Variants in ACAP2 observed in about 807,000 individuals in gnomAD.
ACAP2 encodes the protein arf-GAP with coiled-coil, ANK repeat and PH domain-containing protein 2.
A neutral mutation model predicts 115.8 loss-of-function variants in ACAP2; 39 were observed. The observed-to-expected ratio is 0.34, with a 90% CI of 0.26 to 0.44. The LOEUF is 0.44. ACAP2 is among the 20% of genes least tolerant of loss of function. ACAP2 has a pLI of 1.00. For synonymous variants in ACAP2, 289 were observed against 315.8 expected, an observed-to-expected ratio of 0.92 and a Z score of 0.90; for missense variants, 662 against 927.6, an observed-to-expected ratio of 0.71 and a Z score of 3.72.
intron 1 of ACAP2, among the ~76,000 whole-genome samples, chr3:195,393,573 A>G (rs1217481394): frequency 6.6e-6 from 1 of 152,238 alleles, no homozygotes; most frequent in East Asian, 1.9e-4. Context: ...CTTCCTGACT[A>G]AAAGTTTCTC....
At chr3:195,418,722 A>G (rs1189613292) in intron 1 of ACAP2, among the ~76,000 whole-genome samples, 1 of 152,098 alleles carries the variant, frequency 6.6e-6, no homozygotes, top group African/African-American at 2.4e-5. Context: ...GAGCCACCGC[A>G]CCCAGGCCAA....
rs368684431 is a variant in ACAP2 at position 195,349,338 on chromosome 3, G to A, written c.286-4021C>T. Among the ~76,000 whole-genome samples, 69 of 152,028 alleles carry A rather than the reference G, an allele frequency of 4.5e-4. No homozygotes were observed. In the East Asian group the frequency reaches 8.9e-3, roughly 20 times the overall value. ...CTCTACTAAAAATACAAAATCAGCC[G>A]GGCGTGGTGGCACATCCCTGTAATC... On this transcript the variant is annotated intron_variant, in intron 4 of 22. Coordinates refer to ENST00000326793, the MANE Select transcript of ACAP2 (RefSeq NM_012287.6).
At chr3:195,357,910 G>C (rs1732087346) in intron 4 of ACAP2, 1 of 152,328 alleles carries the variant, frequency 6.6e-6, no homozygotes, top group Non-Finnish European at 1.5e-5. Flanking sequence ...GCAGAGGGGA[G>C]AATGAACGCA....
In ACAP2 at chr3:195,442,776, G is replaced by A; in HGVS notation, c.53+19C>T. ...GGGAAGGCAGCTCCGCGGTGACGCC[G>A]GGCGGCCGTGCCGGTTACCTGAAGC... On this transcript the variant is annotated intron_variant, in intron 1 of 22. Coordinates refer to ENST00000326793, the MANE Select transcript of ACAP2 (RefSeq NM_012287.6). 5 of 1,527,422 alleles carry A rather than the reference G, an allele frequency of 3.3e-6. No homozygotes were observed. Among genetic ancestry groups the A allele is most frequent in the Non-Finnish European group, 4.4e-6 (5 of 1,137,398 alleles). 94.6% of individuals were successfully genotyped at this position (1,527,422 alleles called of 1,614,324 possible). A position where few individuals can be genotyped will look rare whatever the true frequency, so the allele number is the denominator to read the frequency against.
At position 195,338,274 on chromosome 3, in the gene ACAP2, T is replaced by TC. The variant is rs532576836; in HGVS notation, c.529-1299dup. ...ACACACTAAGCACTCAATAAATATT[T>TC]CTTAAATAAATTAACAGGTTTTGTT... On this transcript the variant is annotated intron_variant, in intron 6 of 22. Transcript: ENST00000326793. Among the ~76,000 whole-genome samples, 7 of 152,288 alleles carry TC rather than the reference T, an allele frequency of 4.6e-5. No homozygotes were observed. In the South Asian group the frequency reaches 1.4e-3, roughly 32 times the overall value.
chr3:195,361,697 G>C (rs1352618936), intron 4 of ACAP2, among the ~76,000 whole-genome samples: 1 of 151,726 alleles, frequency 6.6e-6, no homozygotes, highest in Non-Finnish European at 1.5e-5. Flanking sequence ...AGAAATAAAT[G>C]AAATTAAAAA....
At chr3:195,424,727 G>GCAA (rs1714529778) in intron 1 of ACAP2, among the ~76,000 whole-genome samples, 1 of 151,572 alleles carries the variant, frequency 6.6e-6, no homozygotes, top group Non-Finnish European at 1.5e-5. Flanking sequence ...ACCAGCCTGG[G>GCAA]CAACACAGTG....
chr3:195,436,298 G>C (rs1400339685), intron 1 of ACAP2, among the ~76,000 whole-genome samples: 3 of 150,964 alleles, frequency 2.0e-5, no homozygotes, highest in Non-Finnish European at 3.0e-5. Flanking sequence ...CCAGCCAACG[G>C]TTTTTTTGTA....
intron 1 of ACAP2, among the ~76,000 whole-genome samples, chr3:195,408,816 C>T (rs1475566161): frequency 6.6e-6 from 1 of 152,098 alleles, no homozygotes; most frequent in Non-Finnish European, 1.5e-5. Flanking sequence ...AAACAATGTA[C>T]TATACCACAT....
chr3:195,302,306 G>A, intron 13 of ACAP2, 132 bp from the exon 14 acceptor site: 6 of 757,034 alleles, frequency 7.9e-6, no homozygotes. Flanking sequence ...CAAGGCAATA[G>A]TCTAGCTAGA....
chr3:195,414,629 T>A (rs1381075629), intron 1 of ACAP2, among the ~76,000 whole-genome samples: 3 of 152,138 alleles, frequency 2.0e-5, no homozygotes, highest in Non-Finnish European at 4.4e-5. Context: ...ACATTACAGG[T>A]TGAGCATCCC....
At chr3:195,360,271 GA>G (rs1732264275) in intron 4 of ACAP2, among the ~76,000 whole-genome samples, 1 of 152,060 alleles carries the variant, frequency 6.6e-6, no homozygotes, top group Non-Finnish European at 1.5e-5. Context: ...AAATTTTTAA[GA>G]GACAAAGAAG....
At position 195,289,675 on chromosome 3, in the gene ACAP2, G is replaced by A. The variant is rs35788240; in HGVS notation, c.2064-444C>T. Among the ~76,000 whole-genome samples, 894 of 151,474 alleles carry A rather than the reference G, an allele frequency of 5.9e-3. 9 individuals are homozygous for A. The highest frequency in any genetic ancestry group is 0.01 in the Middle Eastern group (3 of 292). On this transcript the variant is annotated intron_variant, in intron 20 of 22. Coordinates refer to ENST00000326793, the MANE Select transcript of ACAP2 (RefSeq NM_012287.6). ...AAAAAACATAGCCGGGTGTGGTGGC[G>A]GACGCCTGTAGTCCCAGCTACACAG...
At chr3:195,381,753 A>C in intron 3 of ACAP2, 150 bp downstream of exon 3, 2 of 781,852 alleles carry the variant, frequency 2.6e-6, no homozygotes, top group South Asian at 4.3e-5. Flanking sequence ...AGAAAACAGA[A>C]TCATACAAGA....
At chr3:195,433,407 T>C (rs1399331932) in intron 1 of ACAP2, among the ~76,000 whole-genome samples, 1 of 152,170 alleles carries the variant, frequency 6.6e-6, no homozygotes, top group East Asian at 1.9e-4. Context: ...AAAAATATAG[T>C]TTTACTATTT....
Position 195,342,036 on chromosome 3 carries a change from G to A in ACAP2, c.528+435C>T, listed in dbSNP as rs567096609. On this transcript the variant is annotated intron_variant, in intron 6 of 22. Transcript: ENST00000326793. Reference sequence around the variant, plus strand: ...GGTGATGGATGAAAAATTTCCTGTTGGGTACAATGTATACTACTGGAGTGA... The same window carrying A: ...GGTGATGGATGAAAAATTTCCTGTTAGGTACAATGTATACTACTGGAGTGA... Among the ~76,000 whole-genome samples the A allele has an allele frequency of 1.9e-3, 283 of 152,102 alleles. 4 individuals carry two copies. Among genetic ancestry groups the A allele is most frequent in the African/African-American group, 4.4e-3 (183 of 41,484 alleles).
At chr3:195,324,730 G>C (rs1729663553) in intron 9 of ACAP2, among the ~76,000 whole-genome samples, 1 of 151,836 alleles carries the variant, frequency 6.6e-6, no homozygotes, top group South Asian at 2.1e-4. Flanking sequence ...CTCCAGCCTG[G>C]GCGACAGGAC....
chr3:195,423,997 C>T (rs1577460184), intron 1 of ACAP2, among the ~76,000 whole-genome samples: 1 of 151,828 alleles, frequency 6.6e-6, no homozygotes. Context: ...GGGTGGGTCC[C>T]TGTATGACTA....
In ACAP2 at chr3:195,292,298, G is replaced by C; in HGVS notation, c.1920C>G (p.Asn640Lys). The stretch of plus-strand genomic sequence containing the variant: ...CAGCCTGAATAAGTGGTGTCGCTTT[G>C]TTTTCCTCTGAATTGGCCCAGTTCA... Reference protein sequence around the residue: ...ADVNWANSEENKATPLIQAVL... With the variant: ...ADVNWANSEEKKATPLIQAVL... Residue 640 changes from asparagine (N) to lysine (K), a missense_variant, in exon 19 of 23, where the codon AAC becomes AAG. Physicochemically the swap from Asn to Lys is moderately conservative, Grantham distance 94. Around this residue, in one of 3 missense-constraint regions of ACAP2, gnomAD observed 128 missense variants for 200.2 expected, o/e 0.64. Transcript: ENST00000326793. The C allele has an allele frequency of 6.2e-7, 1 of 1,600,214 alleles. No homozygotes were observed. The highest frequency in any genetic ancestry group is 1.1e-5 in the South Asian group (1 of 88,220).
Sources: gnomAD v4.1 joint callset for allele counts (sites outside exome capture counted in the v4.1 genomes callset) on GRCh38, gnomAD v4.1.1 for gene constraint, gnomAD v4.1.1 regional missense constraint, MANE v1.5 for transcripts, NCBI Gene and HGNC (gene_info 2026-07-23, HGNC 2026-07-21) for gene names.